Variants in NDE1 observed in about 807,000 individuals in gnomAD.
NDE1 encodes the protein nudE neurodevelopment protein 1.
A neutral mutation model predicts 43.4 loss-of-function variants in NDE1; 28 were observed. That is an observed-to-expected ratio of 0.65 (90% confidence interval 0.48 to 0.89). NDE1 has a LOEUF of 0.89. Among genes scored for constraint, NDE1 ranks in the 40% least tolerant of loss-of-function variants. The probability of loss-of-function intolerance (pLI) is 0.00; values close to 1 mark genes in which losing one functional copy is unlikely to be tolerated. For synonymous variants in NDE1, 184 were observed against 172.0 expected (o/e 1.07, Z -0.55); for missense variants, 441 against 434.1 (o/e 1.02, Z -0.14).
At position 15,691,253 on chromosome 16, in the gene NDE1, C is replaced by G; in HGVS notation, c.633C>G (p.Ser211=). 1 of 1,614,162 alleles carries G rather than the reference C, an allele frequency of 6.2e-7. No homozygotes were observed. The highest frequency in any genetic ancestry group is 1.1e-5 in the South Asian group (1 of 91,074). The change falls in exon 6 of 9, where the codon TCC becomes TCG. Residue 211 remains serine, a synonymous_variant. Transcript: ENST00000396354. The part of the protein sequence containing the change: ...RTDTAVQATG[S]VPSTPIAHRG... ...ACACAGCTGTGCAGGCCACGGGCTC[C>G]GTGCCGTCCACGCCCATTGCTCACC...
chr16:15,648,618 C>A (rs995692746), upstream of NDE1, among the ~76,000 whole-genome samples: 3 of 151,814 alleles, frequency 2.0e-5, no homozygotes, highest in African/African-American at 7.3e-5. Flanking sequence ...ACCAGCCTGG[C>A]CAACACAGTG....
At chr16:15,681,391 A>G (rs962426190) in intron 4 of NDE1, among the ~76,000 whole-genome samples, 2 of 146,506 alleles carry the variant, frequency 1.4e-5, no homozygotes, top group Admixed American at 1.4e-4. Context: ...CAGCCTCCTG[A>G]GTGTCTGGGA....
At chr16:15,644,468 T>C (rs1278579888) in intron 1 of NDE1, among the ~76,000 whole-genome samples, 3 of 152,224 alleles carry the variant, frequency 2.0e-5, no homozygotes, top group Non-Finnish European at 2.9e-5. Context: ...CGTAGGTATT[T>C]ATTACTGCTG....
In NDE1 at chr16:15,707,084, G is replaced by A. The variant is rs576371172; in HGVS notation, c.947+10224G>A. On this transcript the variant is annotated intron_variant, in intron 8 of 8. Transcript: ENST00000396354. The stretch of plus-strand genomic sequence containing the variant: ...AATAGAGTCTCGCTGTGTTGCCCAG[G>A]CTGGAGTGCAGTGGCGTGATCTTGG... 2.6e-5 allele frequency among the ~76,000 whole-genome samples: 4 copies of A among 152,230 alleles called. No homozygotes were observed. In the South Asian group the frequency reaches 8.3e-4, roughly 32 times the overall value.
intron 3 of NDE1, among the ~76,000 whole-genome samples, chr16:15,670,668 AAAAAGAAAG>A (rs1399672142): frequency 1.3e-5 from 2 of 150,488 alleles, no homozygotes; most frequent in African/African-American, 5.0e-5. Context: ...AAAAAAAAAA[AAAAAGAAAG>A]AAAAAGAAAG....
intron 1 of NDE1, among the ~76,000 whole-genome samples, chr16:15,663,683 A>G (rs1196209424): frequency 6.6e-6 from 1 of 152,280 alleles, no homozygotes; most frequent in South Asian, 2.1e-4. Flanking sequence ...TTCAGAACAC[A>G]CCAATGTGTA....
At chr16:15,686,039 C>A (rs541851900) in intron 4 of NDE1, among the ~76,000 whole-genome samples, 1 of 151,604 alleles carries the variant, frequency 6.6e-6, no homozygotes, top group African/African-American at 2.4e-5. Flanking sequence ...GCAACATTCA[C>A]CTTCTGGGTT....
In NDE1 at chr16:15,707,929, G is replaced by A. The variant is rs540795832; in HGVS notation, c.947+11069G>A. 2.2e-3 allele frequency among the ~76,000 whole-genome samples: 315 copies of A among 143,488 alleles called. 3 individuals are homozygous for A. Among genetic ancestry groups the A allele is most frequent in the African/African-American group, 7.7e-3 (296 of 38,626 alleles). The allele number at this position is 143,488 out of a possible 152,430, so 94.1% of individuals were successfully genotyped here. A position where few individuals can be genotyped will look rare whatever the true frequency, so the allele number is the denominator to read the frequency against. On this transcript the variant is annotated intron_variant, in intron 8 of 8. Transcript: ENST00000396354. ...AAAGGTTGCGGTGAGCCAAGATTGC[G>A]CCATTGCACTCCAGAGCGAGACTCC...
intron 4 of NDE1, chr16:15,686,690 G>A (rs1445143060): frequency 6.4e-6 from 2 of 310,080 alleles, no homozygotes; most frequent in Non-Finnish European, 9.4e-6. Flanking sequence ...AAAAAATCAT[G>A]TTGTTATATG....
chr16:15,670,742 C>T (rs2037552969), intron 3 of NDE1, among the ~76,000 whole-genome samples: 2 of 151,654 alleles, frequency 1.3e-5, no homozygotes, highest in Admixed American at 1.3e-4. Context: ...GTATGTGTTG[C>T]TGACACTTGG....
At chr16:15,708,924 C>T (rs985739584) in intron 8 of NDE1, 11 of 1,354,142 alleles carry the variant, frequency 8.1e-6, no homozygotes, top group South Asian at 3.7e-5. Flanking sequence ...TTGTTAAAGA[C>T]ATTTGCTTCG....
At chr16:15,697,870 G>A (rs1445091227) in intron 8 of NDE1, among the ~76,000 whole-genome samples, 6 of 149,756 alleles carry the variant, frequency 4.0e-5, no homozygotes, top group Non-Finnish European at 8.9e-5. Context: ...GTAGTGGCAT[G>A]ATCTCAGCTC....
At chr16:15,677,603 A>G (rs940572971) in intron 3 of NDE1, among the ~76,000 whole-genome samples, 198 bp from the exon 4 acceptor site, 1 of 151,574 alleles carries the variant, frequency 6.6e-6, no homozygotes, top group Non-Finnish European at 1.5e-5. Flanking sequence ...AAAAAAAAAA[A>G]CACGGAGTCT....
At chr16:15,707,239 G>A (rs1208176521) in intron 8 of NDE1, among the ~76,000 whole-genome samples, 2 of 152,164 alleles carry the variant, frequency 1.3e-5, no homozygotes, top group African/African-American at 4.8e-5. Flanking sequence ...GTTTTACCAT[G>A]TTGGCCAGGC....
intron 3 of NDE1, among the ~76,000 whole-genome samples, chr16:15,671,119 C>T (rs2037571313): frequency 6.6e-6 from 1 of 152,128 alleles, no homozygotes; most frequent in Admixed American, 6.6e-5. Context: ...CCACCACCAC[C>T]TAGGCTCTAC....
chr16:15,705,323 C>T lies in NDE1; in HGVS notation c.947+8463C>T, dbSNP rs895265218. ...GCTCCAGCCAGTAGGACACCCCTGTCTCTCCTTAATGCTGCCATCTCCTCT... is the reference window on the plus strand; with the variant it reads ...GCTCCAGCCAGTAGGACACCCCTGTTTCTCCTTAATGCTGCCATCTCCTCT... On this transcript the variant is annotated intron_variant, in intron 8 of 8. Coordinates refer to ENST00000396354, the MANE Select transcript of NDE1 (RefSeq NM_017668.3). Among the ~76,000 whole-genome samples, 14 of 152,294 alleles carry T rather than the reference C, an allele frequency of 9.2e-5. No individual in the cohort carries two copies. In the East Asian group the frequency reaches 2.5e-3, roughly 27 times the overall value.
chr16:15,696,192 TAAAA>T (rs66881003), intron 7 of NDE1, among the ~76,000 whole-genome samples: 5,113 of 150,280 alleles, frequency 0.034, 129 homozygotes, highest in South Asian at 0.092. Flanking sequence ...TTTTCGTAAT[TAAAA>T]AAAATTTTTT....
chr16:15,700,093 A>T, intron 8 of NDE1: 1 of 1,154,774 alleles, frequency 8.7e-7, no homozygotes, highest in South Asian at 1.7e-5. Flanking sequence ...GTTGTCGGTG[A>T]TGAGGCTACC....
rs766093291 is a variant in NDE1 at position 15,721,493 on chromosome 16, C to G, written c.948-2698C>G. On this transcript the variant is annotated intron_variant, in intron 8 of 8. Transcript: ENST00000396354. The stretch of plus-strand genomic sequence containing the variant: ...GCTTTGAGCATTTTGTTGGTCCGCT[C>G]GAGTTCCTCTTTGGCTTCCAAGGCC... 6.2e-7 allele frequency: 1 copy of G among 1,614,076 alleles called. No homozygotes were observed. Among genetic ancestry groups the G allele is most frequent in the African/African-American group, 1.3e-5 (1 of 74,924 alleles).
Sources: allele counts gnomAD v4.1 joint callset (sites outside exome capture counted in the v4.1 genomes callset), GRCh38; gene constraint gnomAD v4.1.1; transcripts MANE v1.5; gene names NCBI Gene and HGNC (gene_info 2026-07-23, HGNC 2026-07-21).